The following MGAT5 variants were observed in gnomAD, a reference collection of about 807,000 sequenced individuals.
The protein encoded by MGAT5 is alpha-1,6-mannosylglycoprotein 6-beta-N-acetylglucosaminyltransferase A.
Under a neutral mutation model 94.3 loss-of-function variants are expected in MGAT5, and 30 were observed. The ratio of observed to expected loss-of-function variants is 0.32; its 90% CI spans 0.24 to 0.43. MGAT5 has a LOEUF of 0.43. Among genes scored for constraint, MGAT5 ranks in the 20% least tolerant of loss-of-function variants. The pLI is 1.00. For synonymous variants in MGAT5, 310 were observed against 322.9 expected (o/e 0.96, Z 0.43); for missense variants, 691 against 905.5 (o/e 0.76, Z 3.04).
chr2:134,437,748 G>A (rs902677253), intron 14 of MGAT5, among the ~76,000 whole-genome samples: 4 of 152,152 alleles, frequency 2.6e-5, no homozygotes, highest in African/African-American at 9.7e-5. Flanking sequence ...TGACATGGTG[G>A]CTTACACCTG....
intron 2 of MGAT5, among the ~76,000 whole-genome samples, chr2:134,308,471 G>A (rs144042555): frequency 2.9e-3 from 441 of 152,220 alleles, no homozygotes; most frequent in Non-Finnish European, 5.0e-3. Context: ...CCATCTACTA[G>A]CCCATGGAAA....
At chr2:134,261,399 G>T (rs566955366) in intron 1 of MGAT5, among the ~76,000 whole-genome samples, 9 of 152,036 alleles carry the variant, frequency 5.9e-5, no homozygotes, top group African/African-American at 2.4e-5. Context: ...AAAAAGCTCC[G>T]CACCCCCTCA....
intron 1 of MGAT5, among the ~76,000 whole-genome samples, chr2:134,154,513 C>T (rs1463253501): frequency 1.3e-5 from 2 of 152,204 alleles, no homozygotes; most frequent in African/African-American, 4.8e-5. Context: ...TCAGTGGTTC[C>T]GCCCGTCCAG....
upstream of MGAT5, among the ~76,000 whole-genome samples, chr2:134,251,613 CCT>C (rs1573616161): frequency 1.3e-5 from 2 of 151,880 alleles, no homozygotes; most frequent in Admixed American, 1.3e-4. Context: ...TCCTTTATTC[CCT>C]GTTTTAAAAA....
intron 2 of MGAT5, among the ~76,000 whole-genome samples, chr2:134,306,276 A>G (rs910082702): frequency 1.4e-5 from 2 of 147,662 alleles, no homozygotes; most frequent in Admixed American, 1.4e-4. Context: ...AAATGAATAC[A>G]TGCAGAGTTT....
chr2:134,318,850 C>T, intron 4 of MGAT5, 111 bp downstream of exon 4: 3 of 680,824 alleles, frequency 4.4e-6, no homozygotes, highest in Non-Finnish European at 7.8e-6. Context: ...ATGTGGAGGA[C>T]CTATGGTTCC....
chr2:134,265,586 T>A (rs1251462755), intron 1 of MGAT5, among the ~76,000 whole-genome samples: 1 of 152,218 alleles, frequency 6.6e-6, no homozygotes, highest in Non-Finnish European at 1.5e-5. Flanking sequence ...TTCAACTACT[T>A]TGATCTCGTC....
chr2:134,275,612 C>CTCGCTCTGT (rs112059903), intron 2 of MGAT5, among the ~76,000 whole-genome samples: 6 of 117,800 alleles, frequency 5.1e-5, no homozygotes, highest in African/African-American at 2.0e-4. Flanking sequence ...TTGAGACAGT[C>CTCGCTCTGT]TCGCTCTGTT....
At chr2:134,150,819 C>T (rs1488462598) in intron 1 of MGAT5, among the ~76,000 whole-genome samples, 2 of 152,194 alleles carry the variant, frequency 1.3e-5, no homozygotes, top group Admixed American at 6.5e-5. Context: ...GGAGACATAG[C>T]ACATTATAGG....
rs1021913126 is a variant in MGAT5, at chr2:134,432,283, G to T, written c.1869+3844G>T. On this transcript the variant is annotated intron_variant, in intron 14 of 15. Coordinates refer to ENST00000281923, the MANE Select transcript of MGAT5 (RefSeq NM_002410.5). ...ACTGTAAATATATAGCATGGTCACA[G>T]TCATGTTAATTTGTAAAGAGCTGTG... Among the ~76,000 whole-genome samples, 3 of 152,210 alleles carry T rather than the reference G, an allele frequency of 2.0e-5. No individual in the cohort carries two copies. The East Asian group carries it at 5.8e-4, about 29-fold the overall frequency.
chr2:134,250,184 G>A (rs1682511642), upstream of MGAT5, among the ~76,000 whole-genome samples: 1 of 152,184 alleles, frequency 6.6e-6, no homozygotes, highest in Non-Finnish European at 1.5e-5. Flanking sequence ...GGATAGAGGG[G>A]ATGCATATTG....
chr2:134,312,785 G>A (rs1186276070), intron 2 of MGAT5, among the ~76,000 whole-genome samples: 1 of 152,122 alleles, frequency 6.6e-6, no homozygotes, highest in Non-Finnish European at 1.5e-5. Context: ...GGCTAAATTA[G>A]GAGGTCAGTG....
rs770341583 is a variant in MGAT5 at position 134,381,383 on chromosome 2, T to TAAGATA, written c.1380+18976_1380+18977insAGATAA. Among the ~76,000 whole-genome samples the TAAGATA allele has an allele frequency of 7.9e-3, 531 of 67,178 alleles. 6 individuals are homozygous for TAAGATA. The highest frequency in any genetic ancestry group is 0.022 in the African/African-American group (410 of 18,432). 44.1% of individuals were successfully genotyped at this position (67,178 alleles called of 152,430 possible). On this transcript the variant is annotated intron_variant, in intron 10 of 15. Transcript: ENST00000281923. ...GATAGATAGATAAGATAAGATAGATTAGATAGATAGATAGATAGATAGATA... is the reference window on the plus strand; with the variant it reads ...GATAGATAGATAAGATAAGATAGATTAAGATAAGATAGATAGATAGATAGATAGATA...
chr2:134,434,837 A>G (rs1685082396), intron 14 of MGAT5, among the ~76,000 whole-genome samples: 1 of 152,212 alleles, frequency 6.6e-6, no homozygotes, highest in Non-Finnish European at 1.5e-5. Context: ...ATTTTTTAGC[A>G]TCGGCCTCTC....
At position 134,193,122 on chromosome 2, in the gene MGAT5, T is replaced by A. The variant is rs535494253; in HGVS notation, c.-142-61140T>A. Among the ~76,000 whole-genome samples, 232 of 138,924 alleles carry A rather than the reference T, an allele frequency of 1.7e-3. 1 individual carries two copies. Among genetic ancestry groups the A allele is most frequent in the Middle Eastern group, 3.6e-3 (1 of 280 alleles). The allele number at this position is 138,924 out of a possible 152,430, so 91.1% of individuals were successfully genotyped here. ...GGTTACTTTATTTTTATTTTTATTT[T>A]TTATTTTTTTTTTTTTTTGAGACAA... On this transcript the variant is annotated intron_variant, in intron 1 of 16. Coordinates refer to the MGAT5 transcript ENST00000409645.
chr2:134,381,373 TA>T (rs1228216959), intron 10 of MGAT5, among the ~76,000 whole-genome samples: 2,364 of 28,238 alleles, frequency 0.084, 42 homozygotes, highest in African/African-American at 0.16. Flanking sequence ...ATAGATAAGA[TA>T]AGATAGATTA....
At chr2:134,242,855 C>T (rs1682042537) in intron 1 of MGAT5, among the ~76,000 whole-genome samples, 2 of 152,304 alleles carry the variant, frequency 1.3e-5, no homozygotes, top group South Asian at 4.1e-4. Context: ...CAGCATTATT[C>T]TCTACAAGTC....
intron 1 of MGAT5, among the ~76,000 whole-genome samples, chr2:134,190,080 G>T (rs1469021109): frequency 6.6e-6 from 1 of 152,140 alleles, no homozygotes; most frequent in African/African-American, 2.4e-5. Flanking sequence ...TGAGTTGCTG[G>T]TTATAAGGTA....
At chr2:134,161,896 A>C (rs1004683720) in intron 1 of MGAT5, among the ~76,000 whole-genome samples, 4 of 152,136 alleles carry the variant, frequency 2.6e-5, no homozygotes, top group African/African-American at 9.7e-5. Context: ...TAAGAATGAG[A>C]ATACACATGT....
Sources: gnomAD v4.1 joint callset for allele counts (sites outside exome capture counted in the v4.1 genomes callset) on GRCh38, gnomAD v4.1.1 for gene constraint, MANE v1.5 for transcripts, NCBI Gene and HGNC (gene_info 2026-07-23, HGNC 2026-07-21) for gene names.